SUPV3L1: variants seen among roughly 807,000 people sequenced by gnomAD.
The protein encoded by SUPV3L1 is Suv3 like RNA helicase.
A neutral mutation model predicts 70.0 loss-of-function variants in SUPV3L1; 35 were observed. The ratio of observed to expected loss-of-function variants is 0.50; its 90% CI spans 0.38 to 0.66. SUPV3L1 has a LOEUF of 0.66. SUPV3L1 is among the 30% of genes least tolerant of loss of function. SUPV3L1 has a pLI of 0.00. For missense variants in SUPV3L1, 777 were observed against 961.5 expected (o/e 0.81, Z 2.54); for synonymous variants, 364 against 341.9 (o/e 1.06, Z -0.71).
intron 1 of SUPV3L1, among the ~76,000 whole-genome samples, chr10:69,182,023 C>T (rs1404102899): frequency 2.8e-5 from 4 of 142,412 alleles, no homozygotes; most frequent in Admixed American, 7.2e-5. Flanking sequence ...GAGACAGGGT[C>T]TTGCTCTGTT....
At chr10:69,184,392 G>A (rs1248782560) in intron 1 of SUPV3L1, among the ~76,000 whole-genome samples, 3 of 151,914 alleles carry the variant, frequency 2.0e-5, no homozygotes, top group African/African-American at 7.3e-5. Flanking sequence ...GTCGGGCATG[G>A]TGCATGGTGA....
intron 1 of SUPV3L1, chr10:69,182,387 G>A (rs1347755836): frequency 2.4e-6 from 1 of 413,804 alleles, no homozygotes; most frequent in Non-Finnish European, 3.2e-6. Context: ...TTGCAGAGTT[G>A]AAACTCAAAC....
chr10:69,186,135 A>AC (rs1842222133), intron 2 of SUPV3L1, 71 bp downstream of exon 2: 1 of 1,328,858 alleles, frequency 7.5e-7, no homozygotes, highest in Non-Finnish European at 1.1e-6. Context: ...GGACTGTACG[A>AC]CCCCTCATGT....
chr10:69,194,127 T>A (rs1031791663), intron 6 of SUPV3L1, among the ~76,000 whole-genome samples: 7 of 152,174 alleles, frequency 4.6e-5, no homozygotes, highest in Non-Finnish European at 1.0e-4. Context: ...ATCAGAGAAA[T>A]TCTCCAGGCT....
At chr10:69,182,848 T>C (rs548570064) in intron 1 of SUPV3L1, among the ~76,000 whole-genome samples, 1 of 152,326 alleles carries the variant, frequency 6.6e-6, no homozygotes, top group South Asian at 2.1e-4. Context: ...CTCTTTTGCC[T>C]ACTCATAACC....
intron 7 of SUPV3L1, among the ~76,000 whole-genome samples, chr10:69,195,764 A>G (rs1237652752): frequency 1.3e-5 from 2 of 152,010 alleles, no homozygotes; most frequent in African/African-American, 2.4e-5. Flanking sequence ...ATTTTTTGAG[A>G]CAGGGTCTTG....
In SUPV3L1 at chr10:69,199,139, C is replaced by T; in HGVS notation, c.1240C>T (p.Pro414Ser). 6.2e-7 allele frequency: 1 copy of T among 1,611,912 alleles called. No homozygotes were observed. Among genetic ancestry groups the T allele is most frequent in the Admixed American group, 1.7e-5 (1 of 59,646 alleles). Residue 414 changes from proline (P) to serine (S), a missense_variant, in exon 10 of 15, where the codon CCC becomes TCC. Pro to Ser is a moderately conservative substitution (Grantham distance 74). Coordinates refer to ENST00000359655, the MANE Select transcript of SUPV3L1 (RefSeq NM_003171.5). ...KLAQAKKFND[P>S]NDPCKILVAT... ...TGCTCAAGCAAAAAAGTTTAATGAT[C>T]CCAATGACCCATGCAAAATCTTGGT...
chr10:69,198,642 T>C, intron 9 of SUPV3L1, 90 bp downstream of exon 9: 4 of 1,296,562 alleles, frequency 3.1e-6, no homozygotes, highest in Non-Finnish European at 4.3e-6. Flanking sequence ...GTAAACAATA[T>C]TGAATTAAGC....
intron 7 of SUPV3L1, 112 bp from the exon 8 acceptor site, chr10:69,196,880 G>T: frequency 1.2e-6 from 1 of 813,934 alleles, no homozygotes; most frequent in Non-Finnish European, 2.0e-6. Flanking sequence ...GAAAATACTT[G>T]GTAAGGTTGT....
intron 11 of SUPV3L1, among the ~76,000 whole-genome samples, 177 bp downstream of exon 11, chr10:69,200,676 A>G (rs1461887206): frequency 6.6e-6 from 1 of 152,224 alleles, no homozygotes; most frequent in Non-Finnish European, 1.5e-5. Flanking sequence ...GGAGAGCCAC[A>G]GAGTTCTTTG....
intron 1 of SUPV3L1, among the ~76,000 whole-genome samples, chr10:69,183,468 C>T (rs952218219): frequency 1.3e-5 from 2 of 152,174 alleles, no homozygotes; most frequent in Non-Finnish European, 2.9e-5. Context: ...CGCTTGAGCC[C>T]AGGAGCTCAA....
chr10:69,191,209 T>G (rs1842384462), intron 5 of SUPV3L1, among the ~76,000 whole-genome samples: 1 of 149,444 alleles, frequency 6.7e-6, no homozygotes, highest in Admixed American at 6.8e-5. Context: ...TTATTTTTTA[T>G]AAAAGGGAAA....
intron 5 of SUPV3L1, among the ~76,000 whole-genome samples, chr10:69,190,391 T>C (rs1341446663): frequency 1.3e-5 from 2 of 151,884 alleles, no homozygotes; most frequent in Non-Finnish European, 2.9e-5. Context: ...GACTTTATAA[T>C]GTGAGTTTAA....
In SUPV3L1 at chr10:69,191,548, T is replaced by C; in HGVS notation, c.742-107T>C. On this transcript the variant is annotated intron_variant, in intron 5 of 14. Transcript: ENST00000359655. ...GGCCGTGGGAACATTATGTTTTAAC[T>C]GTGAAACAAACTAATTTGGTGGTAG... is the stretch of plus-strand genomic sequence containing the variant. 10 of 916,690 alleles carry C rather than the reference T, an allele frequency of 1.1e-5. No individual in the cohort carries two copies. The Admixed American group carries it at 2.1e-4, about 19-fold the overall frequency. The allele number at this position is 916,690 out of a possible 1,614,324, so 56.8% of individuals were successfully genotyped here.
At chr10:69,191,968 G>A (rs748397178) in intron 6 of SUPV3L1, 43 of 408,944 alleles carry the variant, frequency 1.1e-4, no homozygotes, top group Non-Finnish European at 1.8e-4. Context: ...CACCACACCC[G>A]GCTAATTTTT....
chr10:69,186,669 T>G lies in SUPV3L1; in HGVS notation c.457+119T>G, dbSNP rs1842241903. On this transcript the variant is annotated intron_variant, in intron 3 of 14. Coordinates refer to ENST00000359655, the MANE Select transcript of SUPV3L1 (RefSeq NM_003171.5). ...TTAGAGTGGGTCTGGTAACATCCTC[T>G]GTAAATAATTCAGTGCTTTCACAGG... 11 of 775,830 alleles carry G rather than the reference T, an allele frequency of 1.4e-5. No homozygotes were observed. The South Asian group carries it at 1.7e-4, about 12-fold the overall frequency. The allele number at this position is 775,830 out of a possible 1,614,324, so 48.1% of individuals were successfully genotyped here.
At chr10:69,183,974 A>G (rs1842142370) in intron 1 of SUPV3L1, among the ~76,000 whole-genome samples, 1 of 150,728 alleles carries the variant, frequency 6.6e-6, no homozygotes, top group Non-Finnish European at 1.5e-5. Context: ...AGTGTCATAT[A>G]GTATTGGTCT....
At chr10:69,185,310 A>G (rs1381404001) in intron 1 of SUPV3L1, among the ~76,000 whole-genome samples, 1 of 152,020 alleles carries the variant, frequency 6.6e-6, no homozygotes, top group African/African-American at 2.4e-5. Context: ...TCCTTGCTAT[A>G]TTGGTTGTCT....
chr10:69,200,439 G>C lies in SUPV3L1; in HGVS notation c.1458G>C (p.Met486Ile). The change falls in exon 11 of 15, where the codon ATG (methionine) becomes ATC (isoleucine). Residue 486 changes from methionine to isoleucine, a missense_variant. Physicochemically the swap from Met to Ile is conservative, Grantham distance 10. Around this residue, in one of 2 missense-constraint regions of SUPV3L1, gnomAD observed 619 missense variants for 823.3 expected, o/e 0.75. Coordinates refer to ENST00000359655, the MANE Select transcript of SUPV3L1 (RefSeq NM_003171.5). ...SRFKEGEVTT[M>I]NHEDLSLLKE... ...TTAAAGAAGGAGAGGTTACAACAATGAATCATGAAGATCTCAGTTTATTAA... is the reference window on the plus strand; with the variant it reads ...TTAAAGAAGGAGAGGTTACAACAATCAATCATGAAGATCTCAGTTTATTAA... 6.2e-7 allele frequency: 1 copy of C among 1,614,112 alleles called. No homozygotes were observed. The highest frequency in any genetic ancestry group is 1.1e-5 in the South Asian group (1 of 91,074).
Sources: allele counts gnomAD v4.1 joint callset (sites outside exome capture counted in the v4.1 genomes callset), GRCh38; gene constraint gnomAD v4.1.1; regional missense constraint gnomAD v4.1.1; transcripts MANE v1.5; gene names NCBI Gene and HGNC (gene_info 2026-07-23, HGNC 2026-07-21).